MAT2B: variants seen among roughly 807,000 people sequenced by gnomAD.
MAT2B encodes methionine adenosyltransferase 2 non-catalytic beta subunit.
A neutral mutation model predicts 36.1 loss-of-function variants in MAT2B; 16 were observed. The observed-to-expected ratio is 0.44, with a 90% CI of 0.30 to 0.67. MAT2B has a LOEUF of 0.67. Ranked by LOEUF, MAT2B falls within the 30% of genes least tolerant of loss-of-function variation. The pLI, the probability that MAT2B is intolerant of heterozygous loss-of-function variation, is 0.09. For synonymous variants in MAT2B, 148 were observed against 136.9 expected (o/e 1.08, Z -0.57); for missense variants, 332 against 398.2 (o/e 0.83, Z 1.42).
At chr5:163,503,411 A>C (rs780074785), upstream of MAT2B, 2 of 1,613,910 alleles carry the variant, frequency 1.2e-6, no homozygotes, top group African/African-American at 2.7e-5. Context: ...GAAATGCCAG[A>C]GGACATGGAG....
upstream of MAT2B, chr5:163,503,312 G>T: frequency 7.6e-7 from 1 of 1,324,084 alleles, no homozygotes; most frequent in Non-Finnish European, 1.1e-6. Flanking sequence ...CTCTCTGCAG[G>T]CAGAAGCGAA....
chr5:163,505,487 G>C, upstream of MAT2B: 5 of 1,228,732 alleles, frequency 4.1e-6, no homozygotes, highest in East Asian at 3.2e-5. Flanking sequence ...GGCAGACCGC[G>C]CGTACCCGCC....
intron 6 of MAT2B, 194 bp downstream of exon 6, chr5:163,517,868 T>C (rs1484680358): frequency 5.9e-6 from 3 of 509,546 alleles, no homozygotes; most frequent in African/African-American, 5.7e-5. Context: ...AATGTATTAT[T>C]GTCTTGATCA....
upstream of MAT2B, chr5:163,503,528 T>G (rs1025080107): frequency 2.9e-6 from 3 of 1,043,558 alleles, no homozygotes; most frequent in Admixed American, 5.4e-5. Context: ...GTAAAGAAAA[T>G]AGAAACGGGT....
At position 163,505,650 on chromosome 5, in the gene MAT2B, TG is replaced by T. The variant is rs751219325; in HGVS notation, c.-35del. 9.5e-6 allele frequency: 12 copies of T among 1,261,344 alleles called. No individual in the cohort carries two copies. Among genetic ancestry groups the T allele is most frequent in the Non-Finnish European group, 1.2e-5 (12 of 995,690 alleles). 78.1% of individuals were successfully genotyped at this position (1,261,344 alleles called of 1,614,324 possible). A position where few individuals can be genotyped will look rare whatever the true frequency, so the allele number is the denominator to read the frequency against. On this transcript the variant is annotated 5_prime_UTR_variant, in exon 1 of 7. Coordinates refer to ENST00000321757, the MANE Select transcript of MAT2B (RefSeq NM_013283.5). ...CGCGTCGATCCTGGGTTGGAGGAGG[TG>T]GCGGCCGCTGAGGCTGCGGCGTGAA...
At position 163,513,898 on chromosome 5, in the gene MAT2B, A is replaced by C. The variant is rs138673581; in HGVS notation, c.430A>C (p.Asn144His). 6.2e-7 allele frequency: 1 copy of C among 1,613,280 alleles called. No individual in the cohort carries two copies. Among genetic ancestry groups the C allele is most frequent in the East Asian group, 2.2e-5 (1 of 44,784 alleles). Reference sequence around the variant, plus strand: ...CTCAGATTATGTATTTGATGGAACAAATCCACCTTACAGAGAGGAAGACAT... The same window carrying C: ...CTCAGATTATGTATTTGATGGAACACATCCACCTTACAGAGAGGAAGACAT... The part of the protein sequence containing the change: ...ISSDYVFDGT[N>H]PPYREEDIPA... The change falls in exon 4 of 7, where the codon AAT becomes CAT. Residue 144 changes from asparagine (N) to histidine (H), a missense_variant. Asn to His is a moderately conservative substitution (Grantham distance 68). Coordinates refer to ENST00000321757, the MANE Select transcript of MAT2B (RefSeq NM_013283.5).
rs1288460222 is a variant in MAT2B at position 163,514,677 on chromosome 5, C to A, written c.526+683C>A. The stretch of plus-strand genomic sequence containing the variant: ...GAACCTACTCTGGGATATCTTACTC[C>A]TATCAGTGGCTGCGTAGTACTTAAT... On this transcript the variant is annotated intron_variant, in intron 4 of 6. Transcript: ENST00000321757. Among the ~76,000 whole-genome samples, 2 of 152,146 alleles carry A rather than the reference C, an allele frequency of 1.3e-5. 1 individual carries two copies. The highest frequency in any genetic ancestry group is 2.9e-5 in the Non-Finnish European group (2 of 68,030).
intron 1 of MAT2B, among the ~76,000 whole-genome samples, chr5:163,507,366 TAAG>T (rs1759964846): frequency 6.6e-6 from 1 of 152,218 alleles, no homozygotes; most frequent in African/African-American, 2.4e-5. Context: ...GATACGATAA[TAAG>T]AATATTTATT....
chr5:163,505,507 G>A (rs898016243), upstream of MAT2B: 1 of 1,237,624 alleles, frequency 8.1e-7, no homozygotes, highest in East Asian at 3.2e-5. Flanking sequence ...CCTCTTTCTG[G>A]GGCGTCGGCG....
chr5:163,503,066 G>C (rs1271499992), upstream of MAT2B: 1 of 286,440 alleles, frequency 3.5e-6, no homozygotes, highest in African/African-American at 2.2e-5. Context: ...AAGTTGTTGG[G>C]TTTTTGTTTT....
intron 1 of MAT2B, among the ~76,000 whole-genome samples, chr5:163,510,651 C>T (rs1245259985): frequency 6.6e-6 from 1 of 152,084 alleles, no homozygotes; most frequent in African/African-American, 2.4e-5. Flanking sequence ...CCCAGCTTGG[C>T]CTCCCAAAGT....
chr5:163,505,940 G>C (rs1049139962), intron 1 of MAT2B, among the ~76,000 whole-genome samples, 191 bp downstream of exon 1: 24 of 152,234 alleles, frequency 1.6e-4, no homozygotes, highest in African/African-American at 5.8e-4. Context: ...CAGCGCACAC[G>C]GGTCAGTGTT....
Position 163,505,647 on chromosome 5 carries a change from A to G in MAT2B, c.-40A>G. On this transcript the variant is annotated 5_prime_UTR_variant, in exon 1 of 7. Transcript: ENST00000321757. ...GCCCGCGTCGATCCTGGGTTGGAGG[A>G]GGTGGCGGCCGCTGAGGCTGCGGCG... 7.9e-7 allele frequency: 1 copy of G among 1,260,472 alleles called. No individual in the cohort carries two copies. The highest frequency in any genetic ancestry group is 1.0e-6 in the Non-Finnish European group (1 of 994,990). The allele number at this position is 1,260,472 out of a possible 1,614,324, so 78.1% of individuals were successfully genotyped here.
upstream of MAT2B, among the ~76,000 whole-genome samples, chr5:163,505,175 C>T (rs28364754): frequency 0.031 from 4,703 of 151,552 alleles, 100 homozygotes; most frequent in East Asian, 0.056. Context: ...TTTCAAAACC[C>T]CCACCTAGAG....
At chr5:163,503,397 G>A, upstream of MAT2B, 1 of 1,613,980 alleles carries the variant, frequency 6.2e-7, no homozygotes, top group Non-Finnish European at 8.5e-7. Context: ...CTGGAGTCAT[G>A]CCTGAAATGC....
upstream of MAT2B, among the ~76,000 whole-genome samples, chr5:163,503,960 G>T (rs1361148767): frequency 6.6e-6 from 1 of 152,116 alleles, no homozygotes; most frequent in Non-Finnish European, 1.5e-5. Context: ...AACTTTTACG[G>T]GGAAAGTATC....
In MAT2B at chr5:163,512,013, C is replaced by T; in HGVS notation, c.75C>T (p.Asn25=). 1 of 1,611,660 alleles carries T rather than the reference C, an allele frequency of 6.2e-7. No homozygotes were observed. Among genetic ancestry groups the T allele is most frequent in the Non-Finnish European group, 8.5e-7 (1 of 1,178,704 alleles). The change falls in exon 2 of 7, where the codon AAC becomes AAT. Residue 25 remains asparagine, a synonymous_variant. Transcript: ENST00000321757. ...GSCRLVEEEV[N]IPNRRVLVTG... ...CCTTCACCTTTTAGGAGGAAGTTAA[C>T]ATCCCTAATAGGAGGGTTCTGGTTA...
intron 2 of MAT2B, chr5:163,512,655 A>G: frequency 2.2e-6 from 1 of 445,340 alleles, no homozygotes; most frequent in South Asian, 1.6e-5. Context: ...TGGGGGATAA[A>G]ACTTGTTTTG....
At position 163,513,630 on chromosome 5, in the gene MAT2B, C is replaced by T. The variant is rs1302394440; in HGVS notation, c.334C>T (p.Leu112Phe). Reference protein sequence around the residue: ...VENQPDAASQLNVDASGNLAK... With the variant: ...VENQPDAASQFNVDASGNLAK... ...AAATCAGCCAGATGCTGCCTCTCAA[C>T]TTAATGTGGATGCTTCTGGGAATTT... Residue 112 changes from leucine to phenylalanine, a missense_variant, in exon 3 of 7, where the codon CTT (leucine) becomes TTT (phenylalanine). By Grantham distance (22) the Leu-to-Phe change is conservative. Coordinates refer to ENST00000321757, the MANE Select transcript of MAT2B (RefSeq NM_013283.5). 1 of 1,613,884 alleles carries T rather than the reference C, an allele frequency of 6.2e-7. No individual in the cohort carries two copies. Among genetic ancestry groups the T allele is most frequent in the Admixed American group, 1.7e-5 (1 of 60,016 alleles).
Sources: allele counts gnomAD v4.1 joint callset (sites outside exome capture counted in the v4.1 genomes callset), GRCh38; gene constraint gnomAD v4.1.1; transcripts MANE v1.5; gene names NCBI Gene and HGNC (gene_info 2026-07-23, HGNC 2026-07-21).